The following SPTBN1 variants were observed in gnomAD, a reference collection of about 807,000 sequenced individuals.
SPTBN1 encodes spectrin beta, non-erythrocytic 1.
A neutral mutation model predicts 266.4 loss-of-function variants in SPTBN1; 32 were observed. The ratio of observed to expected loss-of-function variants is 0.12; its 90% CI spans 0.09 to 0.16. SPTBN1 has a LOEUF of 0.16. SPTBN1 is among the 10% of genes least tolerant of loss of function. SPTBN1 has a pLI of 1.00. For missense variants in SPTBN1, 2,296 were observed against 3,067.1 expected (o/e 0.75, Z 5.94); for synonymous variants, 1,336 against 1,162.2 (o/e 1.15, Z -3.04).
intron 4 of SPTBN1, among the ~76,000 whole-genome samples, chr2:54,612,886 A>G (rs1677316282): frequency 6.6e-6 from 1 of 152,174 alleles, no homozygotes; most frequent in Admixed American, 6.5e-5. Flanking sequence ...TGAATTGATG[A>G]TGCTTTATGG....
chr2:54,479,150 C>T (rs1356888124), intron 1 of SPTBN1, among the ~76,000 whole-genome samples: 1 of 152,122 alleles, frequency 6.6e-6, no homozygotes, highest in Non-Finnish European at 1.5e-5. Flanking sequence ...CATTTTCAGG[C>T]CCAGGGATGT....
At chr2:54,578,910 G>A (rs10208219) in intron 2 of SPTBN1, among the ~76,000 whole-genome samples, 47,502 of 151,570 alleles carry the variant, frequency 0.31, 9,110 homozygotes, top group African/African-American at 0.55. Flanking sequence ...CTCTGTCCAG[G>A]AGAAATCTGA....
rs908344033 is a variant in SPTBN1, at chr2:54,616,129, A to T, written c.475-78A>T. 45 of 1,177,172 alleles carry T rather than the reference A, an allele frequency of 3.8e-5. 1 individual carries two copies. Among genetic ancestry groups the T allele is most frequent in the East Asian group, 2.0e-4 (8 of 39,792 alleles). The allele number at this position is 1,177,172 out of a possible 1,614,324, so 72.9% of individuals were successfully genotyped here. On this transcript the variant is annotated intron_variant, in intron 4 of 35. Transcript: ENST00000356805. Reference sequence around the variant, plus strand: ...ATGATCTACAGTTTATTCTTTATGTATATGCAGACCTGTTCTTCAGTGGTT... The same window carrying T: ...ATGATCTACAGTTTATTCTTTATGTTTATGCAGACCTGTTCTTCAGTGGTT...
At chr2:54,505,209 A>T (rs931781301) in intron 1 of SPTBN1, among the ~76,000 whole-genome samples, 1 of 152,208 alleles carries the variant, frequency 6.6e-6, no homozygotes, top group Admixed American at 6.5e-5. Flanking sequence ...AATGGTGTGA[A>T]TACTTGGTGG....
At chr2:54,514,072 A>G (rs1669991364) in intron 1 of SPTBN1, among the ~76,000 whole-genome samples, 1 of 152,212 alleles carries the variant, frequency 6.6e-6, no homozygotes, top group Admixed American at 6.5e-5. Flanking sequence ...TGCAGCAGAT[A>G]AAGAATTTTC....
chr2:54,575,647 C>T (rs1448503437), intron 2 of SPTBN1, among the ~76,000 whole-genome samples: 1 of 152,244 alleles, frequency 6.6e-6, no homozygotes, highest in East Asian at 1.9e-4. Context: ...TGTAGACCCA[C>T]TGGTAGCAAT....
intron 2 of SPTBN1, among the ~76,000 whole-genome samples, chr2:54,566,613 C>T (rs903966122): frequency 6.6e-6 from 1 of 152,066 alleles, no homozygotes; most frequent in Non-Finnish European, 1.5e-5. Context: ...GGCAGATCAC[C>T]TGAGGTCAGG....
At chr2:54,579,327 G>T (rs932734696) in intron 2 of SPTBN1, among the ~76,000 whole-genome samples, 1 of 152,148 alleles carries the variant, frequency 6.6e-6, no homozygotes, top group Non-Finnish European at 1.5e-5. Flanking sequence ...TACAGTGCCA[G>T]GTTATCAACT....
rs186730521 is a variant in SPTBN1, at chr2:54,602,173, G to T, written c.300+2930G>T. On this transcript the variant is annotated intron_variant, in intron 3 of 35. Coordinates refer to ENST00000356805, the MANE Select transcript of SPTBN1 (RefSeq NM_003128.3). ...CATTTCTTATTCTGAGTTCACTATA[G>T]TCTATAACTCTCCATAAAGGTCTCA... is the stretch of plus-strand genomic sequence containing the variant. Among the ~76,000 whole-genome samples, 21 of 152,304 alleles carry T rather than the reference G, an allele frequency of 1.4e-4. No homozygotes were observed. The East Asian group carries it at 3.9e-3, about 28-fold the overall frequency.
intron 2 of SPTBN1, among the ~76,000 whole-genome samples, chr2:54,578,180 G>A (rs908284976): frequency 2.0e-5 from 3 of 152,290 alleles, no homozygotes; most frequent in African/African-American, 7.2e-5. Flanking sequence ...TAGAATCTTG[G>A]ATTTAAAAGT....
chr2:54,651,179 C>T (rs1680256632), intron 26 of SPTBN1, among the ~76,000 whole-genome samples: 1 of 152,182 alleles, frequency 6.6e-6, no homozygotes, highest in South Asian at 2.1e-4. Context: ...CTTTCCTCTG[C>T]ACCTCTAAAA....
chr2:54,611,030 G>A (rs562872535), intron 3 of SPTBN1, among the ~76,000 whole-genome samples: 2 of 152,146 alleles, frequency 1.3e-5, no homozygotes, highest in African/African-American at 2.4e-5. Flanking sequence ...TAGTAGTACA[G>A]TACATACCAA....
intron 7 of SPTBN1, among the ~76,000 whole-genome samples, chr2:54,619,747 T>C (rs1677868740): frequency 6.6e-6 from 1 of 152,214 alleles, no homozygotes; most frequent in East Asian, 1.9e-4. Flanking sequence ...CTCTCCTTTG[T>C]GCACACTTTG....
chr2:54,503,443 C>G (rs888714829), intron 1 of SPTBN1, among the ~76,000 whole-genome samples: 3 of 152,208 alleles, frequency 2.0e-5, no homozygotes, highest in East Asian at 3.8e-4. Context: ...GAACAAGATG[C>G]TCTTCAGAGA....
chr2:54,571,600 C>T (rs9309256), intron 2 of SPTBN1, among the ~76,000 whole-genome samples: 47,056 of 149,876 alleles, frequency 0.31, 9,036 homozygotes, highest in African/African-American at 0.55. Context: ...CACACACACA[C>T]ATATCTATAA....
intron 29 of SPTBN1, among the ~76,000 whole-genome samples, chr2:54,656,504 C>G (rs1680670067): frequency 1.3e-5 from 2 of 152,076 alleles, no homozygotes; most frequent in South Asian, 4.1e-4. Flanking sequence ...ATTTTTAATT[C>G]TCATTTTATA....
intron 1 of SPTBN1, among the ~76,000 whole-genome samples, chr2:54,492,528 G>A (rs1346754099): frequency 3.3e-5 from 5 of 152,100 alleles, no homozygotes; most frequent in Non-Finnish European, 7.4e-5. Context: ...TGCAGGTGGT[G>A]GACCTACTGC....
At chr2:54,618,244 G>C (rs1677748050) in intron 7 of SPTBN1, 51 bp downstream of exon 7, 4 of 1,426,844 alleles carry the variant, frequency 2.8e-6, no homozygotes, top group Non-Finnish European at 2.9e-6. Context: ...GTACCATCCA[G>C]GTGTTAATGT....
At chr2:54,566,107 A>G (rs1673637854) in intron 2 of SPTBN1, among the ~76,000 whole-genome samples, 1 of 152,012 alleles carries the variant, frequency 6.6e-6, no homozygotes, top group Non-Finnish European at 1.5e-5. Context: ...ACTTTCTATC[A>G]ACTCTGAAAC....
Sources: allele counts gnomAD v4.1 joint callset (sites outside exome capture counted in the v4.1 genomes callset), GRCh38; gene constraint gnomAD v4.1.1; transcripts MANE v1.5; gene names NCBI Gene and HGNC (gene_info 2026-07-23, HGNC 2026-07-21).